Variants in VPS13C observed in about 807,000 individuals in gnomAD.
The protein encoded by VPS13C is intermembrane lipid transfer protein VPS13C.
Under a neutral mutation model 456.8 loss-of-function variants are expected in VPS13C, and 358 were observed. That is an observed-to-expected ratio of 0.78 (90% CI 0.72 to 0.86). The LOEUF is 0.86. Ranked by LOEUF, VPS13C falls within the 40% of genes least tolerant of loss-of-function variation. VPS13C has a pLI of 0.00. For synonymous variants in VPS13C, 1,578 were observed against 1,486.7 expected (o/e 1.06, Z -1.41); for missense variants, 4,818 against 4,385.4 (o/e 1.10, Z -2.79).
chr15:61,927,528 C>T (rs1480037798), intron 51 of VPS13C, among the ~76,000 whole-genome samples: 1 of 152,160 alleles, frequency 6.6e-6, no homozygotes, highest in East Asian at 1.9e-4. Context: ...TGATCCCTGT[C>T]CCAAGAATAC....
At position 61,907,868 on chromosome 15, in the gene VPS13C, C is replaced by T. The variant is rs1456835695; in HGVS notation, c.8979-478G>A. ...CTCCTGGGCTCATGAGATGCTCCTA[C>T]CCAAGCCTCTCAAGTAGCTGTGACT... On this transcript the variant is annotated intron_variant, in intron 65 of 84. Transcript: ENST00000644861. 3.5e-4 allele frequency among the ~76,000 whole-genome samples: 54 copies of T among 152,190 alleles called. 1 individual carries two copies. The highest frequency in any genetic ancestry group is 3.4e-3 in the Admixed American group (52 of 15,276).
intron 4 of VPS13C, 32 bp from the exon 5 acceptor site, chr15:62,033,574 A>G: frequency 7.0e-7 from 1 of 1,437,840 alleles, no homozygotes; most frequent in Non-Finnish European, 9.5e-7. Context: ...ACACAAAAAT[A>G]AATGGAATTA....
intron 17 of VPS13C, 141 bp downstream of exon 17, chr15:61,991,532 A>T: frequency 1.2e-6 from 1 of 810,764 alleles, no homozygotes; most frequent in Non-Finnish European, 1.7e-6. Flanking sequence ...TTCCAGCCTG[A>T]TGTATTTGCT....
At chr15:61,941,204 G>C (rs1254980797) in intron 46 of VPS13C, among the ~76,000 whole-genome samples, 3 of 152,102 alleles carry the variant, frequency 2.0e-5, no homozygotes, top group African/African-American at 7.2e-5. Flanking sequence ...AGACTCAAGG[G>C]GGAAACTCAA....
intron 10 of VPS13C, among the ~76,000 whole-genome samples, 195 bp from the exon 11 acceptor site, chr15:62,013,314 T>G (rs1786476468): frequency 6.6e-6 from 1 of 152,020 alleles, no homozygotes. Flanking sequence ...TAGCATTTGC[T>G]AAATTGCACT....
At chr15:62,022,647 C>G (rs775048667) in intron 8 of VPS13C, among the ~76,000 whole-genome samples, 1 of 151,638 alleles carries the variant, frequency 6.6e-6, no homozygotes, top group Non-Finnish European at 1.5e-5. Context: ...AGGGAACTTA[C>G]CAAGAAAAGA....
chr15:61,878,395 C>CA lies in VPS13C; in HGVS notation c.10142+211dup, dbSNP rs575269224. 4.2e-3 allele frequency among the ~76,000 whole-genome samples: 628 copies of CA among 150,052 alleles called. 5 individuals are homozygous for CA. The highest frequency in any genetic ancestry group is 0.031 in the Middle Eastern group (9 of 292). ...CATGTATTATCTAGATATGAGTAAT[C>CA]AAAAAAAACAAAAAACAAGACTCTA... is the stretch of plus-strand genomic sequence containing the variant. On this transcript the variant is annotated intron_variant, in intron 74 of 84. Coordinates refer to ENST00000644861, the MANE Select transcript of VPS13C (RefSeq NM_020821.3).
chr15:61,972,496 G>A (rs1465782332), intron 27 of VPS13C, 129 bp downstream of exon 27: 3 of 839,842 alleles, frequency 3.6e-6, no homozygotes, highest in Middle Eastern at 3.7e-4. Flanking sequence ...GTATGTGCAT[G>A]TGTGTTGGGC....
chr15:62,040,215 G>C (rs1033532622), intron 3 of VPS13C, among the ~76,000 whole-genome samples: 3 of 152,014 alleles, frequency 2.0e-5, no homozygotes, highest in Non-Finnish European at 4.4e-5. Context: ...AGCTAGGAAG[G>C]GTAACAGGGG....
At position 62,037,254 on chromosome 15, in the gene VPS13C, T is replaced by A. The variant is rs1469437476; in HGVS notation, c.188-2202A>T. Among the ~76,000 whole-genome samples the A allele has an allele frequency of 4.0e-4, 10 of 24,994 alleles. No individual in the cohort carries two copies. The Admixed American group carries it at 7.3e-3, about 18-fold the overall frequency. 16.4% of individuals were successfully genotyped at this position (24,994 alleles called of 152,430 possible). ...TATATATAAATATATATAATATATT[T>A]ATATATATTATATTATATAATATAT... is the stretch of plus-strand genomic sequence containing the variant. On this transcript the variant is annotated intron_variant, in intron 3 of 84. Transcript: ENST00000644861.
chr15:62,024,445 T>A (rs1477702593), intron 6 of VPS13C, among the ~76,000 whole-genome samples: 1 of 152,058 alleles, frequency 6.6e-6, no homozygotes, highest in Non-Finnish European at 1.5e-5. Context: ...ACTGCCTCAC[T>A]GCATTCTGGC....
chr15:61,898,645 T>A (rs1413991292), intron 66 of VPS13C, among the ~76,000 whole-genome samples: 7 of 144,630 alleles, frequency 4.8e-5, no homozygotes, highest in Middle Eastern at 3.7e-3. Context: ...CTCCCACACA[T>A]TAATAATGGG....
chr15:61,954,621 C>T lies in VPS13C; in HGVS notation c.4166-67G>A, dbSNP rs537245006. 5.2e-4 allele frequency: 757 copies of T among 1,452,236 alleles called. 14 individuals are homozygous for T. In the South Asian group the frequency reaches 0.01, roughly 19 times the overall value. 90.0% of individuals were successfully genotyped at this position (1,452,236 alleles called of 1,614,324 possible). A position where few individuals can be genotyped will look rare whatever the true frequency, so the allele number is the denominator to read the frequency against. On this transcript the variant is annotated intron_variant, in intron 37 of 84. Coordinates refer to ENST00000644861, the MANE Select transcript of VPS13C (RefSeq NM_020821.3). ...TTCTTCCACAAATATTTATTGTGGA[C>T]TTATATGAGTATTCTGGACCTGGTA...
chr15:61,923,323 C>G (rs1017763985), intron 53 of VPS13C, among the ~76,000 whole-genome samples: 1 of 152,120 alleles, frequency 6.6e-6, no homozygotes, highest in Non-Finnish European at 1.5e-5. Context: ...CTCTTATTAT[C>G]TTTGGACAGT....
At chr15:62,015,003 A>G (rs2047177347) in intron 9 of VPS13C, among the ~76,000 whole-genome samples, 2 of 152,192 alleles carry the variant, frequency 1.3e-5, no homozygotes, top group African/African-American at 2.4e-5. Flanking sequence ...AGGGACAAAC[A>G]GCAGCAAACA....
At position 61,921,805 on chromosome 15, in the gene VPS13C, GA is replaced by G. The variant is rs1348270830; in HGVS notation, c.7062+141del. Reference sequence around the variant, plus strand: ...GAGAATGAGAATGAAAATGACATATGAAAAGAGTTCTGACCTCATGGACAGA... The same window carrying G: ...GAGAATGAGAATGAAAATGACATATGAAAGAGTTCTGACCTCATGGACAGA... On this transcript the variant is annotated intron_variant, in intron 55 of 84. Coordinates refer to ENST00000644861, the MANE Select transcript of VPS13C (RefSeq NM_020821.3). 8.6e-6 allele frequency: 6 copies of G among 694,432 alleles called. No homozygotes were observed. The East Asian group carries it at 1.7e-4, about 20-fold the overall frequency. The allele number at this position is 694,432 out of a possible 1,614,324, so 43.0% of individuals were successfully genotyped here.
intron 37 of VPS13C, among the ~76,000 whole-genome samples, chr15:61,958,000 T>C (rs1283407333): frequency 1.3e-5 from 2 of 151,982 alleles, no homozygotes; most frequent in East Asian, 3.8e-4. Flanking sequence ...GATGCTACCA[T>C]TTGTTTGAAA....
intron 80 of VPS13C, 134 bp downstream of exon 80, chr15:61,869,366 G>A (rs781209318): frequency 3.9e-6 from 4 of 1,021,718 alleles, no homozygotes; most frequent in Non-Finnish European, 5.5e-6. Context: ...GGCACTCTAT[G>A]TTTTAAAGCT....
At chr15:62,026,456 A>C (rs1427584245) in intron 6 of VPS13C, among the ~76,000 whole-genome samples, 1 of 152,090 alleles carries the variant, frequency 6.6e-6, no homozygotes, top group Admixed American at 6.5e-5. Flanking sequence ...GTCGATCTCA[A>C]GTTGGCAAAT....
Sources: gnomAD v4.1 joint callset for allele counts (sites outside exome capture counted in the v4.1 genomes callset) on GRCh38, gnomAD v4.1.1 for gene constraint, MANE v1.5 for transcripts, NCBI Gene and HGNC (gene_info 2026-07-23, HGNC 2026-07-21) for gene names.